CHRM5: variants seen among roughly 807,000 people sequenced by gnomAD.
The protein encoded by CHRM5 is cholinergic receptor muscarinic 5.
A neutral mutation model predicts 39.0 loss-of-function variants in CHRM5; 18 were observed. The ratio of observed to expected loss-of-function variants is 0.46; its 90% confidence interval spans 0.32 to 0.68. The LOEUF is 0.68. Among genes scored for constraint, CHRM5 ranks in the 30% least tolerant of loss-of-function variants. The probability of loss-of-function intolerance (pLI) is 0.04; values close to 1 mark genes in which losing one functional copy is unlikely to be tolerated. For missense variants in CHRM5, 515 were observed against 651.1 expected, an observed-to-expected ratio of 0.79 and a Z score of 2.28; for synonymous variants, 241 against 246.3, an observed-to-expected ratio of 0.98 and a Z score of 0.20.
chr15:33,983,930 GAAA>G (rs11353733), intron 1 of CHRM5, among the ~76,000 whole-genome samples: 1 of 143,020 alleles, frequency 7.0e-6, no homozygotes, highest in Non-Finnish European at 1.5e-5. Context: ...GCCTCATCAT[GAAA>G]AAAAAAAAAA....
chr15:33,996,864 G>C (rs1279690487), intron 1 of CHRM5, among the ~76,000 whole-genome samples: 1 of 152,190 alleles, frequency 6.6e-6, no homozygotes, highest in Non-Finnish European at 1.5e-5. Context: ...ACTTTGATGA[G>C]CTGACAGAAG....
Position 34,050,023 on chromosome 15 carries a change from GACT to G in CHRM5, c.-76+3155_-76+3157del, listed in dbSNP as rs1899876679. On this transcript the variant is annotated intron_variant, in intron 2 of 2. Coordinates refer to ENST00000383263, the MANE Select transcript of CHRM5 (RefSeq NM_012125.4). The stretch of plus-strand genomic sequence containing the variant: ...TCATCTCAGCCTCCCGAGTAGCTGG[GACT>G]ACAGGCACCTGCCACCATGCCTGGC... Among the ~76,000 whole-genome samples the G allele has an allele frequency of 2.6e-5, 4 of 152,060 alleles. No individual in the cohort carries two copies. In the South Asian group the frequency reaches 8.3e-4, roughly 32 times the overall value.
intron 1 of CHRM5, among the ~76,000 whole-genome samples, chr15:34,015,346 G>A (rs756736556): frequency 2.0e-5 from 3 of 152,014 alleles, no homozygotes; most frequent in Non-Finnish European, 2.9e-5. Flanking sequence ...AGCCAGGTGC[G>A]GTGGCGGGCA....
chr15:33,979,239 T>C (rs1896027845), intron 1 of CHRM5, among the ~76,000 whole-genome samples: 1 of 152,146 alleles, frequency 6.6e-6, no homozygotes, highest in Non-Finnish European at 1.5e-5. Context: ...ACTGCACGGT[T>C]GGCCAGGCAC....
At chr15:34,024,686 AC>A (rs1346079753) in intron 1 of CHRM5, among the ~76,000 whole-genome samples, 4 of 142,224 alleles carry the variant, frequency 2.8e-5, no homozygotes, top group African/African-American at 1.1e-4. Flanking sequence ...CCCCGTCTCT[AC>A]TAAAAAAAAA....
intron 1 of CHRM5, among the ~76,000 whole-genome samples, chr15:34,011,468 C>A (rs61611317): frequency 6.6e-6 from 1 of 151,882 alleles, no homozygotes; most frequent in Admixed American, 6.6e-5. Context: ...GAACAATGTA[C>A]ATAATAATAA....
intron 1 of CHRM5, among the ~76,000 whole-genome samples, chr15:33,973,734 T>C (rs1895740681): frequency 6.6e-6 from 1 of 152,190 alleles, no homozygotes; most frequent in African/African-American, 2.4e-5. Context: ...TTGTCTGACA[T>C]ACGAAATTGC....
Position 34,014,379 on chromosome 15 carries a change from AAAAAACAAAAAC to A in CHRM5, c.-407-32154_-407-32143del, listed in dbSNP as rs1295918214. Among the ~76,000 whole-genome samples, 21 of 119,386 alleles carry A rather than the reference AAAAAACAAAAAC, an allele frequency of 1.8e-4. 1 individual carries two copies. The South Asian group carries it at 5.0e-3, about 28-fold the overall frequency. 78.3% of individuals were successfully genotyped at this position (119,386 alleles called of 152,430 possible). On this transcript the variant is annotated intron_variant, in intron 1 of 2. Coordinates refer to ENST00000383263, the MANE Select transcript of CHRM5 (RefSeq NM_012125.4). ...AACTCCATCTCATTAAAAAAAAAAAAAAAAACAAAAACAAAAACCACGTTTGAGGATTCTGGG... is the reference window on the plus strand; with the variant it reads ...AACTCCATCTCATTAAAAAAAAAAAAAAAAACCACGTTTGAGGATTCTGGG...
At chr15:34,032,055 A>G (rs927124995) in intron 1 of CHRM5, among the ~76,000 whole-genome samples, 2 of 145,432 alleles carry the variant, frequency 1.4e-5, no homozygotes, top group Non-Finnish European at 3.1e-5. Context: ...CTTCTAACAA[A>G]AGAAAAAAAA....
chr15:34,017,482 T>G (rs957132756), intron 1 of CHRM5, among the ~76,000 whole-genome samples: 5 of 66,122 alleles, frequency 7.6e-5, no homozygotes, highest in African/African-American at 1.6e-4. Flanking sequence ...GATTTTTTTT[T>G]TGTTTTTTTT....
chr15:33,973,903 T>C (rs1169543272), intron 1 of CHRM5, among the ~76,000 whole-genome samples: 1 of 152,192 alleles, frequency 6.6e-6, no homozygotes, highest in Non-Finnish European at 1.5e-5. Flanking sequence ...GCCAGAAGAA[T>C]AGTGATCCTA....
chr15:33,977,902 A>G, intron 1 of CHRM5, among the ~76,000 whole-genome samples: 1 of 151,768 alleles, frequency 6.6e-6, no homozygotes, highest in Non-Finnish European at 1.5e-5. Flanking sequence ...ACGCCACTGC[A>G]CTCCAGCCTG....
chr15:34,061,768 A>G (rs554798648), intron 2 of CHRM5, among the ~76,000 whole-genome samples: 262 of 152,322 alleles, frequency 1.7e-3, no homozygotes, highest in Admixed American at 3.7e-3. Context: ...AGCTGGGGCA[A>G]ATGTAAAACC....
At chr15:33,982,998 T>C (rs1485380523) in intron 1 of CHRM5, among the ~76,000 whole-genome samples, 2 of 144,984 alleles carry the variant, frequency 1.4e-5, no homozygotes, top group Admixed American at 6.8e-5. Flanking sequence ...ACCTCTTAAC[T>C]GCATGGACCA....
chr15:34,046,334 G>T (rs1899678442), intron 1 of CHRM5, among the ~76,000 whole-genome samples: 1 of 91,082 alleles, frequency 1.1e-5, no homozygotes, highest in South Asian at 4.9e-4. Flanking sequence ...CTCCCAAAAA[G>T]TGAGGCAGGA....
At chr15:34,011,808 T>TGG (rs1254607040) in intron 1 of CHRM5, among the ~76,000 whole-genome samples, 4 of 152,190 alleles carry the variant, frequency 2.6e-5, no homozygotes, top group African/African-American at 9.7e-5. Flanking sequence ...GTAATTTGCA[T>TGG]CTGTAGGCAG....
intron 1 of CHRM5, among the ~76,000 whole-genome samples, chr15:34,041,953 C>T (rs1025622921): frequency 6.6e-6 from 1 of 152,150 alleles, no homozygotes; most frequent in Non-Finnish European, 1.5e-5. Flanking sequence ...TCATTCAAGG[C>T]GTATCTTGTT....
chr15:34,050,533 C>T lies in CHRM5; in HGVS notation c.-76+3662C>T, dbSNP rs562244709. Reference sequence around the variant, plus strand: ...CCTTAAACGTAAATAGGCTAAATGCCCCAATTAAAAGACACAGAATGACAA... The same window carrying T: ...CCTTAAACGTAAATAGGCTAAATGCTCCAATTAAAAGACACAGAATGACAA... On this transcript the variant is annotated intron_variant, in intron 2 of 2. Coordinates refer to ENST00000383263, the MANE Select transcript of CHRM5 (RefSeq NM_012125.4). Among the ~76,000 whole-genome samples the T allele has an allele frequency of 2.2e-3, 329 of 152,058 alleles. 1 individual carries two copies. The highest frequency in any genetic ancestry group is 7.5e-3 in the African/African-American group (310 of 41,468).
At chr15:33,985,956 T>C (rs1410522316) in intron 1 of CHRM5, among the ~76,000 whole-genome samples, 1 of 152,174 alleles carries the variant, frequency 6.6e-6, no homozygotes, top group Non-Finnish European at 1.5e-5. Flanking sequence ...GTGCCTGATA[T>C]CTCTCTGACA....
Sources: gnomAD v4.1 joint callset for allele counts (sites outside exome capture counted in the v4.1 genomes callset) on GRCh38, gnomAD v4.1.1 for gene constraint, MANE v1.5 for transcripts, NCBI Gene and HGNC (gene_info 2026-07-23, HGNC 2026-07-21) for gene names.